MICALL2: variants seen among roughly 807,000 people sequenced by gnomAD.
The protein encoded by MICALL2 is MICAL like 2, also known as MICAL-like protein 2.
Under a neutral mutation model 91.1 loss-of-function variants are expected in MICALL2, and 111 were observed. The observed-to-expected ratio is 1.22, with a 90% CI of 1.04 to 1.43. The LOEUF is 1.43. MICALL2 is among the 40% of genes most tolerant of loss of function. MICALL2 has a pLI of 0.00. For synonymous variants in MICALL2, 694 were observed against 525.3 expected, an observed-to-expected ratio of 1.32 and a Z score of -4.39; for missense variants, 1,556 against 1,236.0, an observed-to-expected ratio of 1.26 and a Z score of -3.88.
At position 1,459,349 on chromosome 7, in the gene MICALL2, G is replaced by A; in HGVS notation, c.-23C>T. 6.7e-7 allele frequency: 1 copy of A among 1,495,522 alleles called. No homozygotes were observed. Among genetic ancestry groups the A allele is most frequent in the Non-Finnish European group, 8.9e-7 (1 of 1,123,034 alleles). 92.6% of individuals were successfully genotyped at this position (1,495,522 alleles called of 1,614,324 possible). On this transcript the variant is annotated 5_prime_UTR_variant, in exon 1 of 17. Transcript: ENST00000297508. Reference sequence around the variant, plus strand: ...CATGTGGGCGGCGCGCCCGCCGCGCGGCGGAACCGCCCTCCGACACCTTCC... The same window carrying A: ...CATGTGGGCGGCGCGCCCGCCGCGCAGCGGAACCGCCCTCCGACACCTTCC...
At chr7:1,436,371 A>G (rs1036040177) in intron 15 of MICALL2, among the ~76,000 whole-genome samples, 30 of 151,706 alleles carry the variant, frequency 2.0e-4, no homozygotes, top group African/African-American at 6.8e-4. Flanking sequence ...AACAGGAGGG[A>G]AACTTCGTCT....
rs1780087535 is a variant in MICALL2 at position 1,438,340 on chromosome 7, G to A, written c.2136C>T (p.Ser712=). Residue 712 remains serine (S), a synonymous_variant, in exon 11 of 17, where the codon TCC becomes TCT. Coordinates refer to ENST00000297508, the MANE Select transcript of MICALL2 (RefSeq NM_182924.4). The part of the protein sequence containing the change: ...HLQGKPGRPL[S]PANVPALPGE... ...CAGGCAGAGCAGGGACATTGGCCGG[G>A]GACAAGGGTCTCCCTGGAGAAGGAG... 2 of 1,603,682 alleles carry A rather than the reference G, an allele frequency of 1.2e-6. No individual in the cohort carries two copies. Among genetic ancestry groups the A allele is most frequent in the East Asian group, 2.2e-5 (1 of 44,598 alleles).
chr7:1,435,971 G>A (rs533989011), intron 15 of MICALL2, among the ~76,000 whole-genome samples: 4 of 151,400 alleles, frequency 2.6e-5, no homozygotes, highest in African/African-American at 9.7e-5. Flanking sequence ...AGAATGGCAT[G>A]AACCCTGGAG....
intron 15 of MICALL2, 97 bp from the exon 16 acceptor site, chr7:1,435,244 A>G (rs1042840004): frequency 1.5e-6 from 2 of 1,294,196 alleles, no homozygotes; most frequent in East Asian, 2.3e-5. Flanking sequence ...CCCAGCCCTG[A>G]GTCCCGCCTG....
At chr7:1,439,210 C>A (rs780803467) in intron 9 of MICALL2, 4 of 541,922 alleles carry the variant, frequency 7.4e-6, no homozygotes, top group Non-Finnish European at 1.3e-5. Flanking sequence ...GGGCTGCTGG[C>A]TGCTCAAGGT....
intron 6 of MICALL2, 145 bp downstream of exon 6, chr7:1,444,507 G>C: frequency 1.2e-6 from 1 of 832,600 alleles, no homozygotes; most frequent in Non-Finnish European, 1.8e-6. Flanking sequence ...CCATTCCCCA[G>C]AGAAGGAAAC....
intron 15 of MICALL2, among the ~76,000 whole-genome samples, chr7:1,436,276 G>C (rs1221471612): frequency 6.6e-6 from 1 of 151,882 alleles, no homozygotes; most frequent in Non-Finnish European, 1.5e-5. Context: ...TTGCTACTCA[G>C]GAGGCTGAGG....
At chr7:1,437,236 A>G (rs748513189) in intron 14 of MICALL2, 4 of 515,428 alleles carry the variant, frequency 7.8e-6, no homozygotes, top group Non-Finnish European at 1.3e-5. Flanking sequence ...GACTGCTGCT[A>G]CACTAAATGC....
rs978537562 is a variant in MICALL2, at chr7:1,438,368, G to A, written c.2123-15C>T. The A allele has an allele frequency of 1.3e-6, 2 of 1,595,230 alleles. No homozygotes were observed. Among genetic ancestry groups the A allele is most frequent in the Non-Finnish European group, 8.5e-7 (1 of 1,172,270 alleles). ...CAAGGGTCTCCCTGGAGAAGGAGCA[G>A]GGTGAGCCTCTGGGACCTGGGCCAC... On this transcript the variant is annotated splice_polypyrimidine_tract_variant and intron_variant, in intron 10 of 16. Transcript: ENST00000297508.
At chr7:1,436,000 C>T (rs112775213) in intron 15 of MICALL2, among the ~76,000 whole-genome samples, 14,703 of 144,086 alleles carry the variant, frequency 0.1, 939 homozygotes, top group African/African-American at 0.19. Context: ...TGCAGTGAGC[C>T]GAGATTGCGG....
chr7:1,438,158 C>A lies in MICALL2; in HGVS notation c.2250G>T (p.Arg750=), dbSNP rs763005900. 8 of 1,563,118 alleles carry A rather than the reference C, an allele frequency of 5.1e-6. No homozygotes were observed. In the South Asian group the frequency reaches 8.2e-5, roughly 16 times the overall value. ...IQRQLQDIER[R]LDALELRGVE... is the part of the protein sequence containing the mutation. The stretch of plus-strand genomic sequence containing the variant: ...CGCCGCGGAGCTCCAGGGCGTCCAG[C>A]CGCCTCTCGATGTCCTGCAGCTGCC... The change falls in exon 12 of 17, where the codon CGG becomes CGT. Residue 750 remains arginine, a synonymous_variant. Coordinates refer to ENST00000297508, the MANE Select transcript of MICALL2 (RefSeq NM_182924.4).
intron 14 of MICALL2, 188 bp from the exon 15 acceptor site, chr7:1,437,044 T>C: frequency 2.0e-6 from 1 of 510,114 alleles, no homozygotes; most frequent in East Asian, 3.4e-5. Flanking sequence ...TCAGAGCCCG[T>C]GTGCTGGGAT....
chr7:1,448,064 A>G, intron 3 of MICALL2: 1 of 110,534 alleles, frequency 9.0e-6, no homozygotes, highest in Non-Finnish European at 1.7e-5. Flanking sequence ...AAACCCTAGA[A>G]GAGGAATGTG....
Position 1,435,090 on chromosome 7 carries a change from G to C in MICALL2, c.2638+11C>G, listed in dbSNP as rs375279365. 1.1e-5 allele frequency: 18 copies of C among 1,606,708 alleles called. No individual in the cohort carries two copies. Among genetic ancestry groups the C allele is most frequent in the Non-Finnish European group, 1.5e-5 (18 of 1,177,292 alleles). On this transcript the variant is annotated intron_variant, in intron 16 of 16. Coordinates refer to ENST00000297508, the MANE Select transcript of MICALL2 (RefSeq NM_182924.4). ...AGCCAGCCCAGCCCTCAGCATCCCC[G>C]GCCCAGTCACCCAGCTTCTCAATCA...
chr7:1,453,176 T>C lies in MICALL2; in HGVS notation c.144-2888A>G, dbSNP rs376099050. ...CCAAGAAAATGACACATTGGAGCCCTAACCTCCAATTCCACCACGTGACCT... is the reference window on the plus strand; with the variant it reads ...CCAAGAAAATGACACATTGGAGCCCCAACCTCCAATTCCACCACGTGACCT... On this transcript the variant is annotated intron_variant, in intron 1 of 16. Transcript: ENST00000297508. Among the ~76,000 whole-genome samples the C allele has an allele frequency of 3.6e-4, 55 of 152,186 alleles. 1 individual carries two copies. In the South Asian group the frequency reaches 0.01, roughly 28 times the overall value.
intron 14 of MICALL2, 64 bp from the exon 15 acceptor site, chr7:1,436,920 T>C (rs1779995861): frequency 1.6e-6 from 2 of 1,217,080 alleles, no homozygotes; most frequent in South Asian, 1.5e-5. Context: ...CAGGACACAA[T>C]GTCCCCACCA....
In MICALL2 at chr7:1,444,843, G is replaced by A. The variant is rs748076786; in HGVS notation, c.1227C>T (p.Ser409=). The change falls in exon 6 of 17, where the codon TCC becomes TCT. Residue 409 remains serine, a synonymous_variant. Transcript: ENST00000297508. The part of the protein sequence containing the change: ...ATVDPPAWTP[S]ASRTQQARNK... ...TCCGGGCCTGCTGGGTCCTGGAGGC[G>A]GACGGGGTCCAGGCTGGGGGGTCCA... 20 of 1,606,992 alleles carry A rather than the reference G, an allele frequency of 1.2e-5. No homozygotes were observed. The highest frequency in any genetic ancestry group is 1.4e-5 in the Non-Finnish European group (16 of 1,178,198).
Position 1,445,338 on chromosome 7 carries a change from T to TA in MICALL2, c.731_732insT (p.Ala245SerfsTer80). ...TCAACTTGGGGCTTGCAGAGGCGGC[T>TA]GCGGGGAGGTGGCTGGTGCAGACGA... On this transcript the variant is annotated frameshift_variant, in exon 6 of 17. Transcript: ENST00000297508. LOFTEE classifies it high-confidence loss of function. The TA allele has an allele frequency of 6.2e-7, 1 of 1,605,236 alleles. No individual in the cohort carries two copies. Among genetic ancestry groups the TA allele is most frequent in the Non-Finnish European group, 8.5e-7 (1 of 1,178,558 alleles).
In MICALL2 at chr7:1,452,959, T is replaced by C. The variant is rs147785314; in HGVS notation, c.144-2671A>G. ...CCACTCTCCCGGCACAGAACAGCTT[T>C]TCCCACACTCCGCCCGATGCACCCG... On this transcript the variant is annotated intron_variant, in intron 1 of 16. Coordinates refer to ENST00000297508, the MANE Select transcript of MICALL2 (RefSeq NM_182924.4). The surrounding 1 kb of genome is among the most constrained non-coding windows in gnomAD (Gnocchi z 6.2). 6.3e-4 allele frequency among the ~76,000 whole-genome samples: 96 copies of C among 151,934 alleles called. No homozygotes were observed. The highest frequency in any genetic ancestry group is 2.2e-3 in the African/African-American group (92 of 41,438).
Sources: allele counts gnomAD v4.1 joint callset (sites outside exome capture counted in the v4.1 genomes callset), GRCh38; gene constraint gnomAD v4.1.1; non-coding constraint Gnocchi (gnomAD v3.1); transcripts MANE v1.5; gene names NCBI Gene and HGNC (gene_info 2026-07-23, HGNC 2026-07-21).